PCDH9: variants seen among roughly 807,000 people sequenced by gnomAD.
PCDH9 encodes protocadherin-9.
PCDH9 carries 24 observed loss-of-function variants against 70.6 expected under a neutral mutation model. The ratio of observed to expected loss-of-function variants is 0.34; its 90% confidence interval spans 0.25 to 0.48. PCDH9 has a LOEUF of 0.48. Ranked by LOEUF, PCDH9 falls within the 20% of genes least tolerant of loss-of-function variation. The pLI, the probability that PCDH9 is intolerant of heterozygous loss-of-function variation, is 0.99. For synonymous variants in PCDH9, 562 were observed against 558.5 expected (o/e 1.01, Z -0.09); for missense variants, 1,281 against 1,503.6 (o/e 0.85, Z 2.45).
intron 3 of PCDH9, among the ~76,000 whole-genome samples, chr13:66,791,040 A>T (rs2080155624): frequency 6.6e-6 from 1 of 152,140 alleles, no homozygotes; most frequent in African/African-American, 2.4e-5. Context: ...CTAAGCCTTT[A>T]GTGAAGCAGA....
intron 2 of PCDH9, chr13:67,223,844 G>A (rs1031689357): frequency 3.3e-5 from 5 of 151,972 alleles, no homozygotes; most frequent in African/African-American, 1.2e-4. Flanking sequence ...ACGCTCTACT[G>A]TTTAATATTT....
chr13:66,436,875 T>C (rs1177093301), intron 4 of PCDH9, among the ~76,000 whole-genome samples: 1 of 152,114 alleles, frequency 6.6e-6, no homozygotes, highest in Non-Finnish European at 1.5e-5. Flanking sequence ...ATTGATTTCT[T>C]TATAATCAAT....
chr13:66,471,568 T>C (rs989053791), intron 4 of PCDH9, among the ~76,000 whole-genome samples: 1 of 152,212 alleles, frequency 6.6e-6, no homozygotes, highest in Admixed American at 6.5e-5. Flanking sequence ...ATATATCATA[T>C]TCTATTTTTC....
intron 4 of PCDH9, among the ~76,000 whole-genome samples, chr13:66,431,805 G>T (rs1277205321): frequency 1.3e-5 from 2 of 151,936 alleles, no homozygotes; most frequent in East Asian, 3.9e-4. Flanking sequence ...GAACACAGAT[G>T]ATTACATTTT....
At chr13:67,063,707 A>G (rs2085585097) in intron 2 of PCDH9, among the ~76,000 whole-genome samples, 1 of 152,180 alleles carries the variant, frequency 6.6e-6, no homozygotes, top group African/African-American at 2.4e-5. Context: ...TATACTTTAT[A>G]TAACAAAACG....
chr13:66,885,503 T>C (rs941916369), intron 3 of PCDH9, among the ~76,000 whole-genome samples: 1 of 152,192 alleles, frequency 6.6e-6, no homozygotes, highest in Admixed American at 6.5e-5. Context: ...TTTTGAGCCA[T>C]GATGATATAA....
chr13:66,820,225 T>C (rs1198282611), intron 3 of PCDH9, among the ~76,000 whole-genome samples: 1 of 152,120 alleles, frequency 6.6e-6, no homozygotes, highest in Non-Finnish European at 1.5e-5. Flanking sequence ...ACATAAGCCA[T>C]ATTATACACT....
At chr13:66,587,098 C>A (rs188904756) in intron 4 of PCDH9, among the ~76,000 whole-genome samples, 1 of 152,110 alleles carries the variant, frequency 6.6e-6, no homozygotes, top group East Asian at 1.9e-4. Context: ...GAGTTCCAGA[C>A]GAGCCTGGGC....
At chr13:67,032,792 A>C (rs1254365476) in intron 2 of PCDH9, among the ~76,000 whole-genome samples, 1 of 152,190 alleles carries the variant, frequency 6.6e-6, no homozygotes, top group Admixed American at 6.6e-5. Context: ...ATGCTGTTGC[A>C]GACAAGTTAC....
intron 2 of PCDH9, chr13:67,224,774 C>G (rs935841831): frequency 1.2e-6 from 1 of 860,388 alleles, no homozygotes; most frequent in African/African-American, 1.9e-5. Context: ...ACTGCGGACA[C>G]TAAAAATCTT....
At chr13:66,502,871 G>A (rs962865094) in intron 4 of PCDH9, among the ~76,000 whole-genome samples, 3 of 152,098 alleles carry the variant, frequency 2.0e-5, no homozygotes, top group Non-Finnish European at 4.4e-5. Context: ...ATTTGTTTCT[G>A]CACTTGCAAG....
chr13:67,158,856 G>A (rs1009438170), intron 2 of PCDH9, among the ~76,000 whole-genome samples: 4 of 152,112 alleles, frequency 2.6e-5, no homozygotes, highest in Non-Finnish European at 4.4e-5. Flanking sequence ...TATGAACACT[G>A]AATGACTCAA....
intron 2 of PCDH9, among the ~76,000 whole-genome samples, chr13:67,034,972 A>G (rs1274040772): frequency 3.3e-5 from 5 of 152,150 alleles, no homozygotes; most frequent in Admixed American, 6.5e-5. Context: ...ATGGTCCCAA[A>G]ATATGGCAGT....
chr13:66,974,977 T>C (rs1451940011), intron 2 of PCDH9, among the ~76,000 whole-genome samples: 1 of 152,084 alleles, frequency 6.6e-6, no homozygotes, highest in East Asian at 1.9e-4. Flanking sequence ...AATAAAAGCC[T>C]GTCTATGTTA....
At chr13:67,154,184 G>A (rs2087737580) in intron 2 of PCDH9, among the ~76,000 whole-genome samples, 1 of 152,298 alleles carries the variant, frequency 6.6e-6, no homozygotes, top group South Asian at 2.1e-4. Context: ...CAGGTGTGGT[G>A]GCTCATGCCT....
intron 3 of PCDH9, among the ~76,000 whole-genome samples, chr13:66,636,161 A>T (rs1276163183): frequency 6.6e-6 from 1 of 152,168 alleles, no homozygotes; most frequent in Non-Finnish European, 1.5e-5. Flanking sequence ...TCATGTGATT[A>T]TGATATTCAA....
chr13:66,593,727 G>A (rs1421660861), intron 4 of PCDH9, among the ~76,000 whole-genome samples: 1 of 151,520 alleles, frequency 6.6e-6, no homozygotes, highest in Non-Finnish European at 1.5e-5. Flanking sequence ...CTTTGCTTTT[G>A]TTTTATTTTT....
rs1014151199 is a variant in PCDH9, at chr13:66,740,643, A to C, written c.3139-109232T>G. On this transcript the variant is annotated intron_variant, in intron 3 of 4. Coordinates refer to ENST00000377865, the MANE Select transcript of PCDH9 (RefSeq NM_203487.3). ...AGAAGAATCAAATAGACACAATAAAAAATGATAAAGGGGATATCACCACTG... is the reference window on the plus strand; with the variant it reads ...AGAAGAATCAAATAGACACAATAAACAATGATAAAGGGGATATCACCACTG... 3.5e-4 allele frequency among the ~76,000 whole-genome samples: 53 copies of C among 150,582 alleles called. 1 individual carries two copies. The highest frequency in any genetic ancestry group is 1.3e-3 in the African/African-American group (53 of 41,436).
chr13:66,847,242 G>A (rs901360163), intron 3 of PCDH9, among the ~76,000 whole-genome samples: 3 of 152,022 alleles, frequency 2.0e-5, no homozygotes, highest in African/African-American at 7.2e-5. Flanking sequence ...TCCATAATAG[G>A]TTGTTTTCCT....
Sources: gnomAD v4.1 joint callset for allele counts (sites outside exome capture counted in the v4.1 genomes callset) on GRCh38, gnomAD v4.1.1 for gene constraint, MANE v1.5 for transcripts, NCBI Gene and HGNC (gene_info 2026-07-23, HGNC 2026-07-21) for gene names.